The following POLR3A variants were observed in gnomAD, a reference collection of about 807,000 sequenced individuals.
The protein encoded by POLR3A is DNA-directed RNA polymerase III subunit RPC1.
Under a neutral mutation model 152.8 loss-of-function variants are expected in POLR3A, and 112 were observed. The observed-to-expected ratio is 0.73, with a 90% CI of 0.63 to 0.86. The LOEUF is 0.86. Ranked by LOEUF, POLR3A falls within the 40% of genes least tolerant of loss-of-function variation. The pLI is 0.00. For synonymous variants in POLR3A, 615 were observed against 652.1 expected (o/e 0.94, Z 0.87); for missense variants, 1,385 against 1,743.1 (o/e 0.79, Z 3.66).
intron 5 of POLR3A, among the ~76,000 whole-genome samples, chr10:78,022,620 A>T (rs1319441748): frequency 6.6e-6 from 1 of 152,238 alleles, no homozygotes; most frequent in Non-Finnish European, 1.5e-5. Flanking sequence ...AACTTCAGAA[A>T]TGAACACAAA....
intron 19 of POLR3A, among the ~76,000 whole-genome samples, chr10:77,998,399 A>C (rs1223695153): frequency 6.6e-6 from 1 of 152,106 alleles, no homozygotes; most frequent in South Asian, 2.1e-4. Flanking sequence ...TTTGCAACCT[A>C]CTCATCTGAC....
chr10:78,022,109 T>A, intron 6 of POLR3A, 36 bp downstream of exon 6: 1 of 1,614,140 alleles, frequency 6.2e-7, no homozygotes, highest in South Asian at 1.1e-5. Context: ...TGGATAGATA[T>A]ACTATGAAAC....
intron 5 of POLR3A, 53 bp downstream of exon 5, chr10:78,024,495 CG>C (rs1356276842): frequency 3.2e-5 from 51 of 1,590,982 alleles, no homozygotes; most frequent in Non-Finnish European, 4.2e-5. Context: ...ATGTGACGTG[CG>C]GAAGAGGCAG....
chr10:78,007,706 G>T lies in POLR3A; in HGVS notation c.2070C>A (p.Tyr690Ter). The change falls in exon 15 of 31, where the codon TAC becomes TAA. Residue 690 changes from tyrosine to a stop codon, truncating the protein, a stop_gained. Coordinates refer to ENST00000372371, the MANE Select transcript of POLR3A (RefSeq NM_007055.4). LOFTEE classifies it high-confidence loss of function. Reference sequence around the variant, plus strand: ...GAAGGATGCTGAGATACTTACACAGGTAGACAGGAGCCAGCCTGGCGAGCC... The same window carrying T: ...GAAGGATGCTGAGATACTTACACAGTTAGACAGGAGCCAGCCTGGCGAGCC... ...MSRLARLAPV[Y>*]LSNRGFSIGI... is the part of the protein sequence containing the mutation. The T allele has an allele frequency of 6.2e-7, 1 of 1,613,316 alleles. No individual in the cohort carries two copies.
At chr10:78,026,052 C>T in intron 2 of POLR3A, 42 bp downstream of exon 2, 4 of 1,610,604 alleles carry the variant, frequency 2.5e-6, no homozygotes, top group Non-Finnish European at 2.5e-6. Flanking sequence ...GTTTTATCAG[C>T]AGGGCAAGAC....
rs772934164 is a variant in POLR3A at position 78,009,531 on chromosome 10, A to G, written c.1909+6T>C. ...CCTTCTCCCCACCCGAGTTCCGTCCACTCACAGGAATCATTGGCACAGAGA... is the reference window on the plus strand; with the variant it reads ...CCTTCTCCCCACCCGAGTTCCGTCCGCTCACAGGAATCATTGGCACAGAGA... On this transcript the variant is annotated splice_donor_region_variant and intron_variant, in intron 14 of 30. Coordinates refer to ENST00000372371, the MANE Select transcript of POLR3A (RefSeq NM_007055.4). The G allele has an allele frequency of 6.2e-7, 1 of 1,613,994 alleles. No individual in the cohort carries two copies. The highest frequency in any genetic ancestry group is 1.1e-5 in the South Asian group (1 of 91,090).
intron 5 of POLR3A, among the ~76,000 whole-genome samples, chr10:78,024,333 C>T (rs1847608383): frequency 6.8e-6 from 1 of 147,140 alleles, no homozygotes; most frequent in South Asian, 2.1e-4. Flanking sequence ...CCACTCACTC[C>T]AGCCAGGGTG....
intron 5 of POLR3A, among the ~76,000 whole-genome samples, chr10:78,023,639 G>A (rs1015744496): frequency 3.3e-5 from 5 of 151,384 alleles, no homozygotes; most frequent in South Asian, 2.1e-4. Flanking sequence ...GTTGCTGGGG[G>A]TGGTGGTGTG....
chr10:78,001,124 C>T (rs766831780), intron 17 of POLR3A, 30 bp from the exon 18 acceptor site: 2 of 1,206,218 alleles, frequency 1.7e-6, no homozygotes, highest in Non-Finnish European at 2.5e-6. Flanking sequence ...ATGTAACATT[C>T]ATTTACCAAA....
rs775196550 is a variant in POLR3A, at chr10:78,017,723, G to A, written c.1290-7C>T. 2 of 1,613,956 alleles carry A rather than the reference G, an allele frequency of 1.2e-6. No homozygotes were observed. The highest frequency in any genetic ancestry group is 2.2e-5 in the South Asian group (2 of 91,082). The stretch of plus-strand genomic sequence containing the variant: ...ATTTCCGTATTTCAAAAACCTGAAT[G>A]TGCAACAATAAACATGATCTGTGAA... On this transcript the variant is annotated splice_polypyrimidine_tract_variant and splice_region_variant and intron_variant, in intron 9 of 30. Transcript: ENST00000372371.
intron 19 of POLR3A, among the ~76,000 whole-genome samples, chr10:77,997,085 A>G (rs1281149005): frequency 6.6e-6 from 1 of 152,068 alleles, no homozygotes; most frequent in African/African-American, 2.4e-5. Flanking sequence ...CAATAGATGC[A>G]GAAAGGCCTT....
intron 10 of POLR3A, among the ~76,000 whole-genome samples, chr10:78,014,575 C>T (rs1847501121): frequency 6.6e-6 from 1 of 152,064 alleles, no homozygotes; most frequent in Admixed American, 6.6e-5. Context: ...TACTGCCACA[C>T]CAGGCTAATT....
At position 78,019,133 on chromosome 10, in the gene POLR3A, T is replaced by G. The variant is rs754395079; in HGVS notation, c.1289+29A>C. 2.1e-5 allele frequency: 32 copies of G among 1,496,436 alleles called. No homozygotes were observed. The East Asian group carries it at 7.0e-4, about 33-fold the overall frequency. 92.7% of individuals were successfully genotyped at this position (1,496,436 alleles called of 1,614,324 possible). A position where few individuals can be genotyped will look rare whatever the true frequency, so the allele number is the denominator to read the frequency against. The stretch of plus-strand genomic sequence containing the variant: ...GTGAGCTTTGCCATGAGAAAGTAGT[T>G]AAATCCAACTAGATTGGGAAAAGAT... On this transcript the variant is annotated intron_variant, in intron 9 of 30. Coordinates refer to ENST00000372371, the MANE Select transcript of POLR3A (RefSeq NM_007055.4).
chr10:78,000,931 A>T, intron 18 of POLR3A, 45 bp downstream of exon 18: 1 of 975,914 alleles, frequency 1.0e-6, no homozygotes, highest in Non-Finnish European at 1.6e-6. Context: ...AGGAAAGTGT[A>T]GATTAAGAGA....
At chr10:78,029,258 C>T in intron 1 of POLR3A, 106 bp downstream of exon 1, 1 of 1,134,666 alleles carries the variant, frequency 8.8e-7, no homozygotes, top group Non-Finnish European at 1.3e-6. Context: ...TACTGGCCCT[C>T]CCCTTCCCAT....
At chr10:78,004,317 A>G (rs1847389063) in intron 16 of POLR3A, among the ~76,000 whole-genome samples, 1 of 152,190 alleles carries the variant, frequency 6.6e-6, no homozygotes, top group South Asian at 2.1e-4. Context: ...GTCAGTTTCT[A>G]CTTGAAGGAT....
At chr10:77,999,808 C>G (rs530188513) in intron 19 of POLR3A, among the ~76,000 whole-genome samples, 173 bp downstream of exon 19, 1 of 152,302 alleles carries the variant, frequency 6.6e-6, no homozygotes, top group African/African-American at 2.4e-5. Context: ...GAACATACTA[C>G]ATTTTTTTTG....
At chr10:78,002,058 TTAAG>T (rs1398669731) in intron 17 of POLR3A, 135 bp downstream of exon 17, 1 of 612,702 alleles carries the variant, frequency 1.6e-6, no homozygotes, top group East Asian at 2.8e-5. Context: ...ATGCAAATAA[TTAAG>T]TCTCTCTCTC....
At chr10:77,979,356 T>G (rs113908973) in intron 30 of POLR3A, among the ~76,000 whole-genome samples, 5,405 of 152,238 alleles carry the variant, frequency 0.036, 298 homozygotes, top group African/African-American at 0.12. Context: ...CCGGGGCAGG[T>G]TGCTGGCCCT....
Sources: allele counts gnomAD v4.1 joint callset (sites outside exome capture counted in the v4.1 genomes callset), GRCh38; gene constraint gnomAD v4.1.1; transcripts MANE v1.5; gene names NCBI Gene and HGNC (gene_info 2026-07-23, HGNC 2026-07-21).